Variants in OPHN1 observed in about 807,000 individuals in gnomAD.
The protein encoded by OPHN1 is oligophrenin 1, also known as oligophrenin-1.
Under a neutral mutation model 60.7 loss-of-function variants are expected in OPHN1, and 11 were observed. The ratio of observed to expected loss-of-function variants is 0.18; its 90% CI spans 0.11 to 0.30. The LOEUF is 0.30. Among genes scored for constraint, OPHN1 ranks in the 10% least tolerant of loss-of-function variants. The pLI, the probability that OPHN1 is intolerant of heterozygous loss-of-function variation, is 1.00. For missense variants in OPHN1, 449 were observed against 611.0 expected, an observed-to-expected ratio of 0.73 and a Z score of 2.80; for synonymous variants, 226 against 222.6, an observed-to-expected ratio of 1.02 and a Z score of -0.14.
At chrX:68,051,645 C>T (rs1231320291) in intron 23 of OPHN1, among the ~76,000 whole-genome samples, 1 of 110,465 alleles carries the variant, frequency 9.1e-6, no homozygotes, top group African/African-American at 3.3e-5. Context: ...GTCAGCTGCC[C>T]TTTGAGTATA....
rs1290086485 is a variant in OPHN1 at position 68,053,648 on chromosome X, G to A, written c.2321C>T (p.Ser774Phe). Residue 774 changes from serine (S) to phenylalanine (F), a missense_variant, in exon 22 of 25, where the codon TCT (serine) becomes TTT (phenylalanine). By Grantham distance (155) the Ser-to-Phe change is radical. Around this residue, in one of 4 missense-constraint regions of OPHN1, gnomAD observed 184 missense variants for 160.5 expected, o/e 1.15. Transcript: ENST00000355520. ...TTTGAGGTACAACCCTACTTACACA[G>A]ATGATGTGATTTCCCCCGCATTGCC... The part of the protein sequence containing the change: ...VAGNAGEITS[S>F]VVASRTRFFE... The A allele has an allele frequency of 1.7e-6, 2 of 1,209,108 alleles. No homozygotes were observed. Among genetic ancestry groups the A allele is most frequent in the African/African-American group, 3.5e-5 (2 of 57,104 alleles).
chrX:68,216,493 T>C (rs183563684), intron 6 of OPHN1, among the ~76,000 whole-genome samples: 30 of 111,286 alleles, frequency 2.7e-4, no homozygotes, highest in African/African-American at 9.8e-4. Flanking sequence ...GATATCATTT[T>C]AAATAAGATA....
rs749974355 is a variant in OPHN1, at chrX:68,234,698, A to G, written c.385-110T>C. The G allele has an allele frequency of 3.6e-5, 21 of 591,183 alleles. 1 individual carries two copies. The highest frequency in any genetic ancestry group is 5.0e-5 in the Non-Finnish European group (18 of 360,006). The allele number at this position is 591,183 out of a possible 1,213,427, so 48.7% of individuals were successfully genotyped here. A position where few individuals can be genotyped will look rare whatever the true frequency, so the allele number is the denominator to read the frequency against. ...CAGGTTTCAGGTGGTCAATCCCTCTAGCTCCTGGAAGGAAAAAAAAGCAAC... is the reference window on the plus strand; with the variant it reads ...CAGGTTTCAGGTGGTCAATCCCTCTGGCTCCTGGAAGGAAAAAAAAGCAAC... On this transcript the variant is annotated intron_variant, in intron 5 of 24. Coordinates refer to ENST00000355520, the MANE Select transcript of OPHN1 (RefSeq NM_002547.3).
intron 2 of OPHN1, among the ~76,000 whole-genome samples, chrX:68,351,875 T>TTC (rs1485314638): frequency 0.15 from 9,740 of 64,324 alleles, 880 homozygotes; most frequent in African/African-American, 0.48. Context: ...TTTTTTTTCT[T>TTC]TTTTTTTTTT....
At chrX:68,347,745 A>G (rs1287070731) in intron 2 of OPHN1, among the ~76,000 whole-genome samples, 1 of 112,062 alleles carries the variant, frequency 8.9e-6, no homozygotes, top group African/African-American at 3.2e-5. Context: ...TATTATTCCT[A>G]GCTCTGCTAA....
At chrX:68,205,584 A>G (rs1220944344) in intron 10 of OPHN1, among the ~76,000 whole-genome samples, 2 of 112,092 alleles carry the variant, frequency 1.8e-5, no homozygotes, top group African/African-American at 3.2e-5. Context: ...CTTGTGGTTA[A>G]AAGACCACTC....
chrX:68,194,046 G>C (rs2077500529), intron 13 of OPHN1, 94 bp from the exon 14 acceptor site: 1 of 762,416 alleles, frequency 1.3e-6, no homozygotes, highest in Admixed American at 2.3e-5. Context: ...CATTGAGAGA[G>C]CTAAGGGTTT....
intron 5 of OPHN1, among the ~76,000 whole-genome samples, chrX:68,235,848 ACT>A (rs897022075): frequency 9.2e-6 from 1 of 108,161 alleles, no homozygotes; most frequent in African/African-American, 3.4e-5. Flanking sequence ...AGAGAGCAAG[ACT>A]CTGTTTCAGG....
chrX:68,301,208 C>T (rs2078118256), intron 2 of OPHN1, among the ~76,000 whole-genome samples: 1 of 111,156 alleles, frequency 9.0e-6, no homozygotes, highest in African/African-American at 3.3e-5. Flanking sequence ...TACTTTGGGA[C>T]ACTGAGGCGG....
chrX:68,346,639 TCTGATTTTACATAACAGGAAACTGAGG>T (rs1383888166), intron 2 of OPHN1, among the ~76,000 whole-genome samples: 1 of 111,883 alleles, frequency 8.9e-6, no homozygotes, highest in Non-Finnish European at 1.9e-5. Flanking sequence ...AAATGTAATC[TCTGATTTTACATAACAGGAAACTGAGG>T]CTGGGAGAGG....
At chrX:68,276,365 T>C (rs1015032622) in intron 4 of OPHN1, among the ~76,000 whole-genome samples, 2 of 111,519 alleles carry the variant, frequency 1.8e-5, no homozygotes, top group African/African-American at 6.5e-5. Context: ...GGCAGGAAAG[T>C]CTATAAATTC....
At chrX:68,141,185 C>T (rs1264078759) in intron 15 of OPHN1, among the ~76,000 whole-genome samples, 1 of 111,696 alleles carries the variant, frequency 9.0e-6, no homozygotes, top group Non-Finnish European at 1.9e-5. Context: ...GTCAAGGGAA[C>T]AAATCCCATC....
intron 15 of OPHN1, chrX:68,133,003 G>T (rs2077204145): frequency 4.2e-6 from 2 of 475,607 alleles, no homozygotes; most frequent in Non-Finnish European, 7.6e-6. Flanking sequence ...CCAAGCCGCC[G>T]CCGCTTCAGA....
At chrX:68,254,697 T>C (rs2077852884) in intron 5 of OPHN1, among the ~76,000 whole-genome samples, 1 of 110,985 alleles carries the variant, frequency 9.0e-6, no homozygotes, top group Non-Finnish European at 1.9e-5. Flanking sequence ...TTCTCTTGGA[T>C]AAAAGACAAA....
chrX:68,405,382 G>T (rs2078737389), intron 2 of OPHN1, among the ~76,000 whole-genome samples: 2 of 111,591 alleles, frequency 1.8e-5, no homozygotes, highest in Non-Finnish European at 3.8e-5. Context: ...TTAGAGCGGA[G>T]GTCTCACTAT....
At chrX:68,224,868 C>T (rs779067671) in intron 6 of OPHN1, among the ~76,000 whole-genome samples, 115 of 112,462 alleles carry the variant, frequency 1.0e-3, no homozygotes, top group African/African-American at 3.3e-3. Flanking sequence ...CATCTCACTG[C>T]GGCTTGTTGG....
chrX:68,181,034 C>T, intron 15 of OPHN1, among the ~76,000 whole-genome samples: 1 of 110,892 alleles, frequency 9.0e-6, no homozygotes, highest in East Asian at 2.9e-4. Context: ...ATTCAGGCCC[C>T]AACAATGAAA....
At chrX:68,202,187 T>G (rs2077538015) in intron 10 of OPHN1, among the ~76,000 whole-genome samples, 1 of 111,482 alleles carries the variant, frequency 9.0e-6, no homozygotes, top group Admixed American at 9.5e-5. Context: ...GAGAAAAACA[T>G]TTCTGTCTCC....
At position 68,045,108 on chromosome X, in the gene OPHN1, A is replaced by T. The variant is rs1418806205; in HGVS notation, c.*2064T>A. The T allele has an allele frequency of 9.0e-6, 1 of 111,123 alleles. No individual in the cohort carries two copies. The highest frequency in any genetic ancestry group is 1.9e-5 in the Non-Finnish European group (1 of 52,976). The allele number at this position is 111,123 out of a possible 1,213,427, so 9.2% of individuals were successfully genotyped here. A position where few individuals can be genotyped will look rare whatever the true frequency, so the allele number is the denominator to read the frequency against. On this transcript the variant is annotated 3_prime_UTR_variant, in exon 25 of 25. Coordinates refer to ENST00000355520, the MANE Select transcript of OPHN1 (RefSeq NM_002547.3). ...GGGCTCAAAAATCACTTCCTAGGTG[A>T]GGTCAGTAAGGCCTCACAGAGACTA... is the stretch of plus-strand genomic sequence containing the variant.
Sources: gnomAD v4.1 joint callset for allele counts (sites outside exome capture counted in the v4.1 genomes callset) on GRCh38, gnomAD v4.1.1 for gene constraint, gnomAD v4.1.1 regional missense constraint, MANE v1.5 for transcripts, NCBI Gene and HGNC (gene_info 2026-07-23, HGNC 2026-07-21) for gene names.